The following KIRREL3 variants were observed in gnomAD, a reference collection of about 807,000 sequenced individuals.
The protein encoded by KIRREL3 is kin of IRRE-like protein 3.
A neutral mutation model predicts 89.7 loss-of-function variants in KIRREL3; 36 were observed. The ratio of observed to expected loss-of-function variants is 0.40; its 90% CI spans 0.31 to 0.53. The LOEUF is 0.53. Among genes scored for constraint, KIRREL3 ranks in the 20% least tolerant of loss-of-function variants. The pLI is 0.49. For missense variants in KIRREL3, 864 were observed against 1,056.6 expected (o/e 0.82, Z 2.53); for synonymous variants, 445 against 441.4 (o/e 1.01, Z -0.10).
chr11:126,977,428 A>G lies in KIRREL3; in HGVS notation c.55+23027T>C, dbSNP rs1949610058. 6.6e-6 allele frequency among the ~76,000 whole-genome samples: 1 copy of G among 152,050 alleles called. No individual in the cohort carries two copies. The highest frequency in any genetic ancestry group is 2.4e-5 in the African/African-American group (1 of 41,386). On this transcript the variant is annotated intron_variant, in intron 1 of 16. Transcript: ENST00000525144. The surrounding 1 kb of genome is among the most constrained non-coding windows in gnomAD (Gnocchi z 4.7). ...TGTTTATTTTCTACTGCCTCTGGCG[A>G]TGCTCCTGATCCTCCAGGATCAGGG...
chr11:126,718,302 C>T (rs12291492), intron 1 of KIRREL3, among the ~76,000 whole-genome samples: 58,564 of 152,006 alleles, frequency 0.39, 11,706 homozygotes, highest in Non-Finnish European at 0.44. Context: ...TGGGCTCACT[C>T]AGTGGGAAGC....
At position 126,636,180 on chromosome 11, in the gene KIRREL3, C is replaced by T. The variant is rs1209386040; in HGVS notation, c.56-73268G>A. ...AAATGGGAAGGGTAATAGCACTATC[C>T]TTAGCATTATAAAATAATGGATACT... On this transcript the variant is annotated intron_variant, in intron 1 of 16. Transcript: ENST00000525144. The surrounding 1 kb of genome is among the most constrained non-coding windows in gnomAD (Gnocchi z 4.4). Among the ~76,000 whole-genome samples, 1 of 152,156 alleles carries T rather than the reference C, an allele frequency of 6.6e-6. No individual in the cohort carries two copies. Among genetic ancestry groups the T allele is most frequent in the Non-Finnish European group, 1.5e-5 (1 of 68,032 alleles).
At chr11:126,502,136 G>T (rs1258153952) in intron 4 of KIRREL3, among the ~76,000 whole-genome samples, 1 of 152,186 alleles carries the variant, frequency 6.6e-6, no homozygotes, top group African/African-American at 2.4e-5. Flanking sequence ...CCATGTGCCT[G>T]CCCTGGCCTC....
In KIRREL3 at chr11:126,523,629, T is replaced by A. The variant is rs1051908454; in HGVS notation, c.284-2165A>T. 1.3e-5 allele frequency among the ~76,000 whole-genome samples: 2 copies of A among 152,098 alleles called. No individual in the cohort carries two copies. Among genetic ancestry groups the A allele is most frequent in the African/African-American group, 4.8e-5 (2 of 41,418 alleles). Reference sequence around the variant, plus strand: ...CACACTTCCCGCCTTCTGCTGGGCTTTGGGAATGAGCCCAGGTAAGTTAAG... The same window carrying A: ...CACACTTCCCGCCTTCTGCTGGGCTATGGGAATGAGCCCAGGTAAGTTAAG... On this transcript the variant is annotated intron_variant, in intron 3 of 16. Coordinates refer to ENST00000525144, the MANE Select transcript of KIRREL3 (RefSeq NM_032531.4). The surrounding 1 kb of genome is among the most constrained non-coding windows in gnomAD (Gnocchi z 4.9).
intron 1 of KIRREL3, among the ~76,000 whole-genome samples, chr11:126,907,790 C>T (rs1056570572): frequency 6.6e-6 from 1 of 152,082 alleles, no homozygotes; most frequent in African/African-American, 2.4e-5. Context: ...CTCATCTCCT[C>T]CCATTCTCCC....
At chr11:126,975,514 C>G (rs1188976471) in intron 1 of KIRREL3, among the ~76,000 whole-genome samples, 1 of 152,188 alleles carries the variant, frequency 6.6e-6, no homozygotes, top group Non-Finnish European at 1.5e-5. Flanking sequence ...TTCCTACCCT[C>G]CAGTAGCTGC....
At chr11:126,461,143 T>C (rs77095885) in intron 6 of KIRREL3, among the ~76,000 whole-genome samples, 5,665 of 152,324 alleles carry the variant, frequency 0.037, 360 homozygotes, top group East Asian at 0.26. Context: ...CAGAGTCCCC[T>C]AGGGTGATGT....
chr11:126,526,505 C>T lies in KIRREL3; in HGVS notation c.283+33G>A. On this transcript the variant is annotated intron_variant, in intron 3 of 16. Transcript: ENST00000525144. The surrounding 1 kb of genome is among the most constrained non-coding windows in gnomAD (Gnocchi z 5.7). ...TGGGTGAGTAAGGAAGTGATGGCCC[C>T]AGGCCCACCCCAGGAGGTCTGGAGG... The T allele has an allele frequency of 6.3e-7, 1 of 1,594,772 alleles. No individual in the cohort carries two copies. Among genetic ancestry groups the T allele is most frequent in the Non-Finnish European group, 8.6e-7 (1 of 1,166,036 alleles).
chr11:126,449,591 A>G (rs1162759470), intron 7 of KIRREL3, among the ~76,000 whole-genome samples: 1 of 152,228 alleles, frequency 6.6e-6, no homozygotes, highest in Non-Finnish European at 1.5e-5. Flanking sequence ...GCCAGGGTCA[A>G]ACGGAGCATG....
At position 126,537,342 on chromosome 11, in the gene KIRREL3, G is replaced by A. The variant is rs1394561529; in HGVS notation, c.134-10655C>T. 1.3e-5 allele frequency among the ~76,000 whole-genome samples: 2 copies of A among 152,134 alleles called. No individual in the cohort carries two copies. The highest frequency in any genetic ancestry group is 2.4e-5 in the African/African-American group (1 of 41,408). On this transcript the variant is annotated intron_variant, in intron 2 of 16. Transcript: ENST00000525144. The surrounding 1 kb of genome is among the most constrained non-coding windows in gnomAD (Gnocchi z 4.3). ...TGACCACAGGTTACTGGATTACAAG[G>A]GATAAAGTGGTCTCATAGAGAAGTC...
chr11:126,801,925 C>G (rs922787253), intron 1 of KIRREL3, among the ~76,000 whole-genome samples: 1 of 145,588 alleles, frequency 6.9e-6, no homozygotes, highest in African/African-American at 2.4e-5. Flanking sequence ...CAGAGTGAGA[C>G]GCTGTCTCTT....
chr11:126,829,950 A>G (rs995853457), intron 1 of KIRREL3, among the ~76,000 whole-genome samples: 6 of 152,218 alleles, frequency 3.9e-5, no homozygotes, highest in Admixed American at 6.5e-5. Context: ...AAAGATGTGC[A>G]TAGTCTTTCC....
chr11:126,506,300 T>C (rs1412548316), intron 4 of KIRREL3, among the ~76,000 whole-genome samples: 1 of 152,184 alleles, frequency 6.6e-6, no homozygotes, highest in Non-Finnish European at 1.5e-5. Context: ...TAAGACACCA[T>C]TAAGTAAACG....
intron 7 of KIRREL3, among the ~76,000 whole-genome samples, chr11:126,450,362 T>C (rs578012275): frequency 1.4e-4 from 21 of 150,610 alleles, no homozygotes; most frequent in African/African-American, 4.9e-4. Context: ...TGTGCATGTG[T>C]GCATGTGTGA....
intron 11 of KIRREL3, among the ~76,000 whole-genome samples, chr11:126,438,379 G>C (rs139285184): frequency 2.6e-5 from 4 of 152,254 alleles, no homozygotes; most frequent in African/African-American, 7.2e-5. Context: ...GCTGATGAGA[G>C]GGACTGAGTT....
At chr11:126,939,717 C>T (rs1407054895) in intron 1 of KIRREL3, among the ~76,000 whole-genome samples, 3 of 152,192 alleles carry the variant, frequency 2.0e-5, no homozygotes, top group Non-Finnish European at 2.9e-5. Flanking sequence ...TGCCCTTGGT[C>T]CTCCCAAATG....
Position 126,566,967 on chromosome 11 carries a change from G to GA in KIRREL3, c.56-4056dup, listed in dbSNP as rs1444033256. On this transcript the variant is annotated intron_variant, in intron 1 of 16. Transcript: ENST00000525144. The surrounding 1 kb of genome is among the most constrained non-coding windows in gnomAD (Gnocchi z 4.9). ...CTAGCTGGTGATAGTGCCCATGCTG[G>GA]AACCCATGGCTGATTTTTGGCTTGG... Among the ~76,000 whole-genome samples the GA allele has an allele frequency of 6.6e-6, 1 of 152,182 alleles. No individual in the cohort carries two copies. Among genetic ancestry groups the GA allele is most frequent in the Non-Finnish European group, 1.5e-5 (1 of 68,028 alleles).
rs1425574035 is a variant in KIRREL3 at position 126,744,919 on chromosome 11, T to C, written c.56-182007A>G. Among the ~76,000 whole-genome samples the C allele has an allele frequency of 6.6e-6, 1 of 151,224 alleles. No individual in the cohort carries two copies. Among genetic ancestry groups the C allele is most frequent in the Non-Finnish European group, 1.5e-5 (1 of 67,940 alleles). Reference sequence around the variant, plus strand: ...TGGGAAAAGTAGCTGAGAACTGGTTTACTGAGGAAAGAAGTTGACTCACTT... The same window carrying C: ...TGGGAAAAGTAGCTGAGAACTGGTTCACTGAGGAAAGAAGTTGACTCACTT... On this transcript the variant is annotated intron_variant, in intron 1 of 16. Transcript: ENST00000525144. This position sits in a 1 kb window ranked among gnomAD's most constrained non-coding sequence, Gnocchi z 4.7.
chr11:126,707,719 G>A (rs1381725745), intron 1 of KIRREL3, among the ~76,000 whole-genome samples: 1 of 152,028 alleles, frequency 6.6e-6, no homozygotes, highest in Non-Finnish European at 1.5e-5. Context: ...TTCCCCCTGT[G>A]GATTCTTCTC....
Sources: gnomAD v4.1 joint callset for allele counts (sites outside exome capture counted in the v4.1 genomes callset) on GRCh38, gnomAD v4.1.1 for gene constraint, Gnocchi (gnomAD v3.1) non-coding constraint, MANE v1.5 for transcripts, NCBI Gene and HGNC (gene_info 2026-07-23, HGNC 2026-07-21) for gene names.